Variants in FBXW7 observed in about 807,000 individuals in gnomAD.
FBXW7 encodes the protein F-box/WD repeat-containing protein 7.
In FBXW7, 11 loss-of-function variants were observed where a neutral mutation model predicts 86.3. That is an observed-to-expected ratio of 0.13 (90% confidence interval 0.08 to 0.21). The LOEUF (loss-of-function observed/expected upper bound fraction) is 0.21, where lower values mean the gene tolerates loss of function less well. Ranked by LOEUF, FBXW7 falls within the 10% of genes least tolerant of loss-of-function variation. FBXW7 has a pLI of 1.00. For synonymous variants in FBXW7, 313 were observed against 297.9 expected (o/e 1.05, Z -0.52); for missense variants, 488 against 847.4 (o/e 0.58, Z 5.27).
intron 4 of FBXW7, among the ~76,000 whole-genome samples, chr4:152,389,981 C>T (rs2126805543): frequency 6.6e-6 from 1 of 151,826 alleles, no homozygotes; most frequent in East Asian, 1.9e-4. Flanking sequence ...AATAAGAAAA[C>T]ATTTTTATTG....
At chr4:152,363,235 A>G (rs985730683) in intron 4 of FBXW7, among the ~76,000 whole-genome samples, 1 of 152,172 alleles carries the variant, frequency 6.6e-6, no homozygotes, top group Non-Finnish European at 1.5e-5. Flanking sequence ...ATAAAACAAG[A>G]GGGAGAAAAA....
At chr4:152,453,334 A>G (rs2127024174) in intron 2 of FBXW7, among the ~76,000 whole-genome samples, 1 of 152,266 alleles carries the variant, frequency 6.6e-6, no homozygotes, top group South Asian at 2.1e-4. Flanking sequence ...CACAGAGTGA[A>G]TTTTCAAAGG....
chr4:152,361,965 C>CAAAAAAAAAAAA (rs569330155), intron 4 of FBXW7, among the ~76,000 whole-genome samples: 1 of 37,114 alleles, frequency 2.7e-5, no homozygotes. Flanking sequence ...GACTCCATCT[C>CAAAAAAAAAAAA]AAAAAAAAAA....
rs1750523597 is a variant in FBXW7, at chr4:152,535,939, T to TG, written c.-1026_-1025insC. 3.3e-6 allele frequency: 1 copy of TG among 307,368 alleles called. No homozygotes were observed. The highest frequency in any genetic ancestry group is 2.2e-5 in the African/African-American group (1 of 46,090). The allele number at this position is 307,368 out of a possible 1,614,324, so 19.0% of individuals were successfully genotyped here. ...GCTGGCCCAGGTGAGAGCGAAGGTC[T>TG]CGGCGGCGGCCAGTGCAGGGGGACT... is the stretch of plus-strand genomic sequence containing the variant. On this transcript the variant is annotated 5_prime_UTR_variant, in exon 1 of 14. Transcript: ENST00000281708.
chr4:152,470,249 C>T (rs1743827736), intron 2 of FBXW7, among the ~76,000 whole-genome samples: 3 of 151,936 alleles, frequency 2.0e-5, no homozygotes, highest in Admixed American at 2.0e-4. Context: ...ATTTACTAGA[C>T]CATGTAAAGA....
chr4:152,499,146 C>T (rs1274682752), intron 2 of FBXW7, among the ~76,000 whole-genome samples: 1 of 152,124 alleles, frequency 6.6e-6, no homozygotes, highest in African/African-American at 2.4e-5. Context: ...AGCCCTAGTA[C>T]CATGAAAGCT....
chr4:152,378,023 C>T (rs1237069338), intron 4 of FBXW7, among the ~76,000 whole-genome samples: 2 of 152,036 alleles, frequency 1.3e-5, no homozygotes, highest in Admixed American at 1.3e-4. Context: ...CACAGTCATG[C>T]CTATTTGTTT....
chr4:152,347,415 A>G (rs1233530033), intron 5 of FBXW7, among the ~76,000 whole-genome samples: 2 of 152,196 alleles, frequency 1.3e-5, no homozygotes, highest in Non-Finnish European at 2.9e-5. Context: ...TTCTCCTATG[A>G]CTGGTCTTTG....
intron 2 of FBXW7, among the ~76,000 whole-genome samples, chr4:152,462,789 A>G (rs768651908): frequency 2.8e-4 from 43 of 152,198 alleles, no homozygotes; most frequent in Non-Finnish European, 5.4e-4. Flanking sequence ...CTGCATTCTT[A>G]AAAGAAGAAT....
intron 4 of FBXW7, among the ~76,000 whole-genome samples, chr4:152,355,306 G>A (rs192576133): frequency 2.6e-5 from 4 of 151,956 alleles, no homozygotes; most frequent in African/African-American, 7.2e-5. Context: ...GTTTGTGTCT[G>A]TATTTATCTA....
chr4:152,534,280 A>G (rs202044741), intron 2 of FBXW7, among the ~76,000 whole-genome samples: 4,598 of 151,652 alleles, frequency 0.03, 118 homozygotes, highest in African/African-American at 0.061. Context: ...GGGGGGTGAA[A>G]GGGAAAAAAT....
At chr4:152,346,422 T>TA (rs1210990069) in intron 6 of FBXW7, among the ~76,000 whole-genome samples, 1 of 151,932 alleles carries the variant, frequency 6.6e-6, no homozygotes, top group Admixed American at 6.6e-5. Context: ...TAAAAAGCAA[T>TA]AAAAAAAATG....
At chr4:152,420,595 C>T (rs538297260) in intron 2 of FBXW7, among the ~76,000 whole-genome samples, 1 of 152,290 alleles carries the variant, frequency 6.6e-6, no homozygotes, top group South Asian at 2.1e-4. Flanking sequence ...GTAGAAATGA[C>T]TCCTTGATCC....
intron 6 of FBXW7, among the ~76,000 whole-genome samples, chr4:152,342,592 A>T (rs1212276471): frequency 6.6e-6 from 1 of 152,224 alleles, no homozygotes; most frequent in African/African-American, 2.4e-5. Context: ...GACCTTGGGT[A>T]GTACTGCACC....
At chr4:152,340,815 T>C (rs975612943) in intron 6 of FBXW7, among the ~76,000 whole-genome samples, 6 of 152,162 alleles carry the variant, frequency 3.9e-5, no homozygotes, top group African/African-American at 9.7e-5. Flanking sequence ...TTTTTGGATA[T>C]GTAATTGAAA....
At chr4:152,365,114 C>T (rs1733351455) in intron 4 of FBXW7, among the ~76,000 whole-genome samples, 1 of 152,094 alleles carries the variant, frequency 6.6e-6, no homozygotes, top group Non-Finnish European at 1.5e-5. Context: ...TGTGGGTTCA[C>T]AGAAGGCATC....
chr4:152,434,269 T>C (rs1030351277), intron 2 of FBXW7, among the ~76,000 whole-genome samples: 5 of 152,210 alleles, frequency 3.3e-5, no homozygotes, highest in Non-Finnish European at 7.3e-5. Flanking sequence ...TGTATATACA[T>C]GAGTATATCC....
intron 4 of FBXW7, among the ~76,000 whole-genome samples, chr4:152,376,483 A>T (rs1734528166): frequency 6.6e-6 from 1 of 152,198 alleles, no homozygotes; most frequent in Non-Finnish European, 1.5e-5. Flanking sequence ...AGTCTACTAC[A>T]GGAGTATAAT....
chr4:152,405,385 T>C (rs1421969325), intron 4 of FBXW7, among the ~76,000 whole-genome samples: 1 of 152,040 alleles, frequency 6.6e-6, no homozygotes, highest in Non-Finnish European at 1.5e-5. Flanking sequence ...ATTTGAAGGA[T>C]ATGGCTGGTG....
Sources: gnomAD v4.1 joint callset for allele counts (sites outside exome capture counted in the v4.1 genomes callset) on GRCh38, gnomAD v4.1.1 for gene constraint, MANE v1.5 for transcripts, NCBI Gene and HGNC (gene_info 2026-07-23, HGNC 2026-07-21) for gene names.